Variants in SUGCT observed in about 807,000 individuals in gnomAD.
SUGCT encodes the protein succinyl-CoA:glutarate-CoA transferase, also known as succinyl-CoA:glutarate CoA-transferase.
In SUGCT, 41 loss-of-function variants were observed where a neutral mutation model predicts 55.0. The ratio of observed to expected loss-of-function variants is 0.74; its 90% CI spans 0.58 to 0.97. The LOEUF (loss-of-function observed/expected upper bound fraction) is 0.97. Among genes scored for constraint, SUGCT ranks in the 50% least tolerant of loss-of-function variants. The pLI is 0.00. For missense variants in SUGCT, 568 were observed against 547.8 expected (o/e 1.04, Z -0.37); for synonymous variants, 187 against 200.4 (o/e 0.93, Z 0.56).
chr7:40,307,128 A>G (rs1003234702), intron 8 of SUGCT, among the ~76,000 whole-genome samples: 11 of 152,206 alleles, frequency 7.2e-5, no homozygotes, highest in Admixed American at 6.5e-4. Flanking sequence ...TTCTTTGGTA[A>G]GTAAATAAAA....
At chr7:40,513,056 C>T (rs745776799) in intron 12 of SUGCT, among the ~76,000 whole-genome samples, 42 of 152,134 alleles carry the variant, frequency 2.8e-4, no homozygotes, top group Non-Finnish European at 2.2e-4. Flanking sequence ...CGCCTGTATA[C>T]ATCTACAGTT....
chr7:40,146,635 T>C (rs893184287), intron 1 of SUGCT, among the ~76,000 whole-genome samples: 3 of 152,254 alleles, frequency 2.0e-5, no homozygotes, highest in Non-Finnish European at 4.4e-5. Context: ...ATGCTATTGT[T>C]TGTGGTTTAA....
intron 12 of SUGCT, among the ~76,000 whole-genome samples, chr7:40,653,317 G>T (rs1338318469): frequency 6.6e-6 from 1 of 152,156 alleles, no homozygotes; most frequent in Non-Finnish European, 1.5e-5. Context: ...AAATAAAAAA[G>T]GGTTGAATAT....
At chr7:40,601,530 G>A (rs1248866917) in intron 12 of SUGCT, among the ~76,000 whole-genome samples, 2 of 152,220 alleles carry the variant, frequency 1.3e-5, no homozygotes, top group African/African-American at 4.8e-5. Context: ...GCTTTATGCT[G>A]TGGTTCATTA....
At chr7:40,729,162 A>C in intron 12 of SUGCT, among the ~76,000 whole-genome samples, 1 of 152,224 alleles carries the variant, frequency 6.6e-6, no homozygotes, top group East Asian at 1.9e-4. Context: ...ATTTACTCCA[A>C]GTCAAACCAA....
At chr7:40,856,030 G>T (rs1175882070) in intron 13 of SUGCT, among the ~76,000 whole-genome samples, 1 of 152,076 alleles carries the variant, frequency 6.6e-6, no homozygotes. Flanking sequence ...CCTATTTCTA[G>T]TCCCTGTTCT....
At chr7:40,897,180 A>T in the SUGCT span, among the ~76,000 whole-genome samples, 1 of 152,210 alleles carries the variant, frequency 6.6e-6, no homozygotes, top group East Asian at 1.9e-4. Context: ...CTGAACCCTT[A>T]TCCCACACCA....
intron 12 of SUGCT, among the ~76,000 whole-genome samples, chr7:40,624,767 G>A (rs1216483616): frequency 2.5e-5 from 3 of 118,124 alleles, no homozygotes; most frequent in Admixed American, 9.6e-5. Flanking sequence ...AAACGTTTCT[G>A]TGCAAACACA....
At chr7:40,487,452 C>T (rs1006261032) in intron 11 of SUGCT, among the ~76,000 whole-genome samples, 1 of 151,552 alleles carries the variant, frequency 6.6e-6, no homozygotes, top group Non-Finnish European at 1.5e-5. Flanking sequence ...AATATATGAT[C>T]TGTCCTGGAG....
chr7:40,875,577 G>A, the SUGCT span, among the ~76,000 whole-genome samples: 3 of 152,180 alleles, frequency 2.0e-5, no homozygotes, highest in Non-Finnish European at 4.4e-5. Flanking sequence ...AACCTGAAGT[G>A]ACACAACAAA....
intron 1 of SUGCT, chr7:40,141,806 T>A (rs1317163439): frequency 2.5e-6 from 1 of 394,672 alleles, no homozygotes; most frequent in Admixed American, 2.6e-5. Flanking sequence ...AATATAAAAT[T>A]TTCTTTTTAA....
chr7:40,514,392 A>G (rs1436532144), intron 12 of SUGCT, among the ~76,000 whole-genome samples: 1 of 152,104 alleles, frequency 6.6e-6, no homozygotes, highest in African/African-American at 2.4e-5. Flanking sequence ...ACAGAAAAAT[A>G]TGAGATTTAT....
chr7:40,436,317 G>A (rs1452104768), intron 9 of SUGCT, among the ~76,000 whole-genome samples: 2 of 152,038 alleles, frequency 1.3e-5, no homozygotes, highest in Admixed American at 6.6e-5. Flanking sequence ...ACCTGGGCCT[G>A]TACTCTAATG....
At chr7:40,343,743 G>A (rs369543670) in intron 9 of SUGCT, among the ~76,000 whole-genome samples, 19 of 151,912 alleles carry the variant, frequency 1.3e-4, no homozygotes, top group East Asian at 5.8e-4. Flanking sequence ...TGCAAGCTCC[G>A]CCTCCCGGGT....
the SUGCT span, among the ~76,000 whole-genome samples, chr7:40,878,092 C>CT: frequency 9.2e-5 from 14 of 152,124 alleles, no homozygotes; most frequent in Non-Finnish European, 1.5e-4. Flanking sequence ...GTTTCTTCTT[C>CT]TTTTTTTAAA....
chr7:40,380,766 A>G (rs1481243058), intron 9 of SUGCT, among the ~76,000 whole-genome samples: 1 of 152,098 alleles, frequency 6.6e-6, no homozygotes, highest in Non-Finnish European at 1.5e-5. Flanking sequence ...TTTGTGGTAT[A>G]GTTTGCTTAC....
At chr7:40,217,621 C>T (rs1488935130) in intron 6 of SUGCT, 3 of 247,562 alleles carry the variant, frequency 1.2e-5, no homozygotes, top group Non-Finnish European at 2.5e-5. Flanking sequence ...ACTTTCTCCT[C>T]TGTTGTGTAC....
chr7:40,661,940 C>T (rs996076938), intron 12 of SUGCT, among the ~76,000 whole-genome samples: 12 of 152,312 alleles, frequency 7.9e-5, no homozygotes, highest in Admixed American at 3.3e-4. Flanking sequence ...AAATTGTTCT[C>T]GCCAGCTCAG....
At chr7:40,238,197 G>A (rs1584420750) in intron 7 of SUGCT, among the ~76,000 whole-genome samples, 1 of 152,104 alleles carries the variant, frequency 6.6e-6, no homozygotes, top group Non-Finnish European at 1.5e-5. Context: ...AAAAATATAG[G>A]TAGTTATGTA....
Sources: allele counts gnomAD v4.1 joint callset (sites outside exome capture counted in the v4.1 genomes callset), GRCh38; gene constraint gnomAD v4.1.1; transcripts MANE v1.5; gene names NCBI Gene and HGNC (gene_info 2026-07-23, HGNC 2026-07-21).